The following PRICKLE2 variants were observed in gnomAD, a reference collection of about 807,000 sequenced individuals.
PRICKLE2 encodes the protein prickle planar cell polarity protein 2.
Under a neutral mutation model 81.4 loss-of-function variants are expected in PRICKLE2, and 21 were observed. The observed-to-expected ratio is 0.26, with a 90% CI of 0.18 to 0.37. The LOEUF (loss-of-function observed/expected upper bound fraction) is 0.37, where lower values mean the gene tolerates loss of function less well. PRICKLE2 is among the 10% of genes least tolerant of loss of function. The pLI is 1.00. For synonymous variants in PRICKLE2, 456 were observed against 421.5 expected, an observed-to-expected ratio of 1.08 and a Z score of -1.00; for missense variants, 940 against 1,109.0, an observed-to-expected ratio of 0.85 and a Z score of 2.16.
intron 7 of PRICKLE2, among the ~76,000 whole-genome samples, chr3:64,135,109 G>C (rs1260811214): frequency 6.6e-6 from 1 of 152,192 alleles, no homozygotes; most frequent in Non-Finnish European, 1.5e-5. Flanking sequence ...CACCCTCGGT[G>C]GGGGCAGATT....
chr3:64,127,834 T>A (rs2077134025), intron 7 of PRICKLE2, among the ~76,000 whole-genome samples: 1 of 151,914 alleles, frequency 6.6e-6, no homozygotes, highest in African/African-American at 2.4e-5. Flanking sequence ...TTCTCTCTCT[T>A]GGTCCCATTT....
At position 64,099,210 on chromosome 3, in the gene PRICKLE2, T is replaced by C. The variant is rs2076613643; in HGVS notation, c.2376A>G (p.Gly792=). The change falls in exon 8 of 8, where the codon GGA becomes GGG. Residue 792 remains glycine, a synonymous_variant. Transcript: ENST00000638394. This position sits in a 1 kb window ranked among gnomAD's most constrained non-coding sequence, Gnocchi z 4.3. ...SESDNEGYFL[G]EPIPQPARLR... ...GGCGCGCTGGCTGGGGGATGGGTTC[T>C]CCTAGGAAATAGCCCTCGTTGTCAG... 3 of 1,614,174 alleles carry C rather than the reference T, an allele frequency of 1.9e-6. No homozygotes were observed. The highest frequency in any genetic ancestry group is 2.5e-6 in the Non-Finnish European group (3 of 1,180,012).
chr3:64,139,441 C>T (rs2077327375), intron 7 of PRICKLE2, among the ~76,000 whole-genome samples: 1 of 152,234 alleles, frequency 6.6e-6, no homozygotes, highest in African/African-American at 2.4e-5. Flanking sequence ...TCTCCTAAGT[C>T]ACTGTCATAT....
At chr3:64,130,992 T>A (rs2077188746) in intron 7 of PRICKLE2, among the ~76,000 whole-genome samples, 1 of 152,212 alleles carries the variant, frequency 6.6e-6, no homozygotes, top group Non-Finnish European at 1.5e-5. Flanking sequence ...AAGTATTCAC[T>A]CTAAACCTGT....
At chr3:64,251,541 G>A (rs1197278750) in intron 2 of PRICKLE2, among the ~76,000 whole-genome samples, 1 of 152,208 alleles carries the variant, frequency 6.6e-6, no homozygotes, top group Admixed American at 6.5e-5. Context: ...ACAAAAAAGG[G>A]AAAATTTCAG....
intron 7 of PRICKLE2, among the ~76,000 whole-genome samples, chr3:64,142,313 C>CTT (rs397936636): frequency 0.28 from 37,289 of 132,562 alleles, 5,540 homozygotes; most frequent in East Asian, 0.39. Flanking sequence ...TTCTTTCTTT[C>CTT]TTTTTTTTTT....
chr3:64,235,761 C>A (rs1378366553), intron 2 of PRICKLE2, among the ~76,000 whole-genome samples: 1 of 152,180 alleles, frequency 6.6e-6, no homozygotes, highest in African/African-American at 2.4e-5. Context: ...ACAGTCTGAT[C>A]TGATGAAAGC....
At position 64,103,693 on chromosome 3, in the gene PRICKLE2, C is replaced by A. The variant is rs115427710; in HGVS notation, c.1661-3768G>T. On this transcript the variant is annotated intron_variant, in intron 7 of 7. Coordinates refer to ENST00000638394, the MANE Select transcript of PRICKLE2 (RefSeq NM_198859.4). ...ATAAAATGGAGTAAAAGTAAAGCAA[C>A]GTTTGGCCAGGTGTGGTGGCTCATG... Among the ~76,000 whole-genome samples, 1,507 of 152,252 alleles carry A rather than the reference C, an allele frequency of 9.9e-3. 27 individuals are homozygous for A. Among genetic ancestry groups the A allele is most frequent in the Admixed American group, 0.037 (568 of 15,288 alleles).
At chr3:64,199,101 G>A (rs754534448) in intron 1 of PRICKLE2, 134 bp from the exon 2 acceptor site, 15 of 771,974 alleles carry the variant, frequency 1.9e-5, no homozygotes, top group East Asian at 5.3e-5. Flanking sequence ...CAAAGGCATC[G>A]CGAGCAGTGT....
At chr3:64,196,640 T>C (rs1466127261) in intron 2 of PRICKLE2, among the ~76,000 whole-genome samples, 3 of 152,192 alleles carry the variant, frequency 2.0e-5, no homozygotes, top group African/African-American at 4.8e-5. Flanking sequence ...CAACAGAGAA[T>C]TGCCTTCAAT....
upstream of PRICKLE2, among the ~76,000 whole-genome samples, chr3:64,226,027 T>C (rs115602919): frequency 0.01 from 1,588 of 152,178 alleles, 27 homozygotes; most frequent in African/African-American, 0.036. Flanking sequence ...GCTTGGGTGG[T>C]GAGTCAGTCA....
chr3:64,206,590 TC>T (rs1263246938), intron 1 of PRICKLE2, among the ~76,000 whole-genome samples: 5 of 152,238 alleles, frequency 3.3e-5, no homozygotes, highest in African/African-American at 1.2e-4. Context: ...GACTTCCACC[TC>T]CCCTGTGGTG....
chr3:64,201,477 G>A (rs563291712), intron 1 of PRICKLE2, among the ~76,000 whole-genome samples: 2 of 152,104 alleles, frequency 1.3e-5, no homozygotes, highest in Non-Finnish European at 2.9e-5. Context: ...GTTTTGATTT[G>A]CATTTCCCTA....
rs187124963 is a variant in PRICKLE2 at position 64,256,476 on chromosome 3, C to T, written c.129-57509G>A. On this transcript the variant is annotated intron_variant, in intron 2 of 8. Coordinates refer to the PRICKLE2 transcript ENST00000295902. Reference sequence around the variant, plus strand: ...TGATTTTGCCTCTTGACTTGCATAACCTAAAACATTTACTATTTGGCTCTA... The same window carrying T: ...TGATTTTGCCTCTTGACTTGCATAATCTAAAACATTTACTATTTGGCTCTA... Among the ~76,000 whole-genome samples the T allele has an allele frequency of 3.0e-3, 458 of 152,080 alleles. 5 individuals carry two copies. The highest frequency in any genetic ancestry group is 0.027 in the Admixed American group (414 of 15,286).
chr3:64,160,494 C>T (rs1485828514), intron 3 of PRICKLE2, among the ~76,000 whole-genome samples: 2 of 152,222 alleles, frequency 1.3e-5, no homozygotes, highest in Non-Finnish European at 2.9e-5. Context: ...TGATCCTTGA[C>T]ACCAAGAATG....
intron 2 of PRICKLE2, among the ~76,000 whole-genome samples, chr3:64,251,926 A>G (rs1232309794): frequency 6.6e-6 from 1 of 152,220 alleles, no homozygotes; most frequent in Non-Finnish European, 1.5e-5. Context: ...ACATCAGTGC[A>G]TATGGGACAT....
intron 2 of PRICKLE2, among the ~76,000 whole-genome samples, chr3:64,258,823 C>CAAAAAAA (rs1156901811): frequency 1.4e-5 from 1 of 70,392 alleles, no homozygotes; most frequent in Admixed American, 2.0e-4. Context: ...GACTCTGTCT[C>CAAAAAAA]AAAAAAAAAA....
intron 2 of PRICKLE2, among the ~76,000 whole-genome samples, chr3:64,186,402 G>A (rs773208748): frequency 1.3e-5 from 2 of 152,214 alleles, no homozygotes; most frequent in Non-Finnish European, 2.9e-5. Context: ...TTTGAACACA[G>A]AGCTAGTTAT....
intron 2 of PRICKLE2, among the ~76,000 whole-genome samples, chr3:64,178,965 T>TTCTTTCTTTCTTTCTTTCTTTCTTTC (rs2078070175): frequency 9.2e-5 from 2 of 21,708 alleles, no homozygotes; most frequent in African/African-American, 4.4e-4. Context: ...CATACATATT[T>TTCTTTCTTTCTTTCTTTCTTTCTTTC]TCTTTCTTTC....
Sources: allele counts gnomAD v4.1 joint callset (sites outside exome capture counted in the v4.1 genomes callset), GRCh38; gene constraint gnomAD v4.1.1; non-coding constraint Gnocchi (gnomAD v3.1); transcripts MANE v1.5; gene names NCBI Gene and HGNC (gene_info 2026-07-23, HGNC 2026-07-21).